Variants in MAGI2 observed in about 807,000 individuals in gnomAD.
MAGI2 encodes the protein membrane-associated guanylate kinase, WW and PDZ domain-containing protein 2.
MAGI2 carries 35 observed loss-of-function variants against 133.3 expected under a neutral mutation model. That is an observed-to-expected ratio of 0.26 (90% CI 0.20 to 0.35). The LOEUF is 0.35. Ranked by LOEUF, MAGI2 falls within the 10% of genes least tolerant of loss-of-function variation. MAGI2 has a pLI of 1.00. For missense variants in MAGI2, 1,636 were observed against 1,863.4 expected, an observed-to-expected ratio of 0.88 and a Z score of 2.25; for synonymous variants, 729 against 710.6, an observed-to-expected ratio of 1.03 and a Z score of -0.41.
intron 2 of MAGI2, among the ~76,000 whole-genome samples, chr7:79,005,970 G>T (rs1807396582): frequency 6.6e-6 from 1 of 152,110 alleles, no homozygotes; most frequent in Non-Finnish European, 1.5e-5. Context: ...TGATAATGGT[G>T]TCCTGGCATT....
intron 2 of MAGI2, among the ~76,000 whole-genome samples, chr7:78,687,969 TAA>T (rs72030909): frequency 0.011 from 761 of 66,850 alleles, no homozygotes; most frequent in Admixed American, 0.023. Flanking sequence ...GTCCTTGCCT[TAA>T]AAAAAAAAAA....
Position 78,847,265 on chromosome 7 carries a change from A to C in MAGI2, c.418+159825T>G, listed in dbSNP as rs117415808. ...TATTTTAGGAATACAAATATGCCTC[A>C]TACATGGATTCTACTTTTGTAGACA... On this transcript the variant is annotated intron_variant, in intron 2 of 21. Transcript: ENST00000354212. Among the ~76,000 whole-genome samples, 1,237 of 152,088 alleles carry C rather than the reference A, an allele frequency of 8.1e-3. 9 individuals carry two copies. The highest frequency in any genetic ancestry group is 0.014 in the Non-Finnish European group (927 of 67,922).
intron 1 of MAGI2, among the ~76,000 whole-genome samples, chr7:79,448,350 A>G (rs1454194694): frequency 6.6e-6 from 1 of 152,118 alleles, no homozygotes; most frequent in Non-Finnish European, 1.5e-5. Context: ...AATGTCAATC[A>G]TTTCATATTT....
intron 1 of MAGI2, among the ~76,000 whole-genome samples, chr7:79,183,361 A>T (rs1826784855): frequency 6.6e-6 from 1 of 151,940 alleles, no homozygotes; most frequent in Admixed American, 6.6e-5. Context: ...AAAATTTTAA[A>T]AGATATAAAA....
intron 1 of MAGI2, among the ~76,000 whole-genome samples, chr7:79,264,886 C>T (rs1480372755): frequency 6.6e-6 from 1 of 151,648 alleles, no homozygotes; most frequent in East Asian, 1.9e-4. Flanking sequence ...AGAGAGCGCA[C>T]GAGCACACGC....
At chr7:78,996,250 G>T (rs919118562) in intron 2 of MAGI2, among the ~76,000 whole-genome samples, 1 of 151,944 alleles carries the variant, frequency 6.6e-6, no homozygotes, top group East Asian at 1.9e-4. Context: ...AAGATAAGAA[G>T]AGCTGAGGTA....
intron 1 of MAGI2, among the ~76,000 whole-genome samples, chr7:79,015,158 T>C (rs1183925726): frequency 1.3e-5 from 2 of 152,168 alleles, no homozygotes; most frequent in Non-Finnish European, 2.9e-5. Context: ...TTAAGAACTA[T>C]AAAGCCAGGT....
Position 78,882,627 on chromosome 7 carries a change from A to G in MAGI2, c.418+124463T>C, listed in dbSNP as rs185929373. On this transcript the variant is annotated intron_variant, in intron 2 of 21. Transcript: ENST00000354212. ...CAAAAACACTCAACAAAACACTAACAAAATCAATGTGCACATCAAAAGTTA... is the reference window on the plus strand; with the variant it reads ...CAAAAACACTCAACAAAACACTAACGAAATCAATGTGCACATCAAAAGTTA... Among the ~76,000 whole-genome samples the G allele has an allele frequency of 5.9e-5, 9 of 152,160 alleles. No homozygotes were observed. In the East Asian group the frequency reaches 1.7e-3, roughly 29 times the overall value.
intron 9 of MAGI2, among the ~76,000 whole-genome samples, chr7:78,283,164 A>AATGTGTTCT (rs769942536): frequency 3.3e-5 from 5 of 152,112 alleles, no homozygotes; most frequent in Non-Finnish European, 5.9e-5. Context: ...TTCCTAGTAC[A>AATGTGTTCT]ATGTGTTCTC....
At chr7:78,233,168 C>G (rs113110446) in intron 10 of MAGI2, among the ~76,000 whole-genome samples, 3 of 152,174 alleles carry the variant, frequency 2.0e-5, no homozygotes, top group African/African-American at 4.8e-5. Context: ...AAAGTAGATA[C>G]AATCATGTGG....
intron 2 of MAGI2, among the ~76,000 whole-genome samples, chr7:78,660,983 C>T (rs940424253): frequency 4.6e-5 from 7 of 152,220 alleles, no homozygotes; most frequent in East Asian, 1.9e-4. Flanking sequence ...TCTTGAGACT[C>T]GTTTCCTTTG....
chr7:78,628,368 T>C (rs750887805), intron 2 of MAGI2, among the ~76,000 whole-genome samples: 99 of 152,182 alleles, frequency 6.5e-4, no homozygotes, highest in Non-Finnish European at 5.4e-4. Context: ...ATTGTCTATA[T>C]GCTAAAAAAG....
At chr7:78,069,059 G>A (rs909449422) in intron 21 of MAGI2, among the ~76,000 whole-genome samples, 2 of 152,144 alleles carry the variant, frequency 1.3e-5, no homozygotes, top group African/African-American at 4.8e-5. Flanking sequence ...AGCTCAGATT[G>A]TCAAAAAGGC....
At chr7:78,538,135 A>G (rs1271001685) in intron 3 of MAGI2, among the ~76,000 whole-genome samples, 2 of 152,156 alleles carry the variant, frequency 1.3e-5, no homozygotes, top group Non-Finnish European at 2.9e-5. Flanking sequence ...TCAGTAGCCC[A>G]TAAGTACATG....
chr7:78,072,909 T>C (rs1386510310), intron 21 of MAGI2: 1 of 398,566 alleles, frequency 2.5e-6, no homozygotes, highest in African/African-American at 2.1e-5. Context: ...CCTCCTGCCT[T>C]GGCCTCCCAA....
chr7:78,898,747 C>T (rs1020347884), intron 2 of MAGI2, among the ~76,000 whole-genome samples: 1 of 151,238 alleles, frequency 6.6e-6, no homozygotes, highest in African/African-American at 2.4e-5. Context: ...TCATCACACT[C>T]CTGTGATTGT....
intron 1 of MAGI2, among the ~76,000 whole-genome samples, chr7:79,245,611 A>C (rs1266255848): frequency 6.6e-6 from 1 of 152,202 alleles, no homozygotes; most frequent in Non-Finnish European, 1.5e-5. Context: ...GCTCAGCTGC[A>C]GTAGAATATA....
intron 2 of MAGI2, among the ~76,000 whole-genome samples, chr7:78,922,051 T>C (rs1470204563): frequency 2.0e-5 from 3 of 152,104 alleles, no homozygotes; most frequent in African/African-American, 7.2e-5. Flanking sequence ...ACTGAGATTA[T>C]CACCAAGAAA....
At chr7:78,818,339 C>T (rs1789790228) in intron 2 of MAGI2, among the ~76,000 whole-genome samples, 1 of 152,100 alleles carries the variant, frequency 6.6e-6, no homozygotes, top group South Asian at 2.1e-4. Context: ...TCTTGAGCCT[C>T]TATATTCTGT....
Sources: gnomAD v4.1 joint callset for allele counts (sites outside exome capture counted in the v4.1 genomes callset) on GRCh38, gnomAD v4.1.1 for gene constraint, MANE v1.5 for transcripts, NCBI Gene and HGNC (gene_info 2026-07-23, HGNC 2026-07-21) for gene names.